The following STK17A variants were observed in gnomAD, a reference collection of about 807,000 sequenced individuals.
The protein encoded by STK17A is serine/threonine kinase 17a, also known as serine/threonine-protein kinase 17A.
In STK17A, 26 loss-of-function variants were observed where a neutral mutation model predicts 43.7. That is an observed-to-expected ratio of 0.60 (90% CI 0.44 to 0.83). The LOEUF is 0.83. Among genes scored for constraint, STK17A ranks in the 40% least tolerant of loss-of-function variants. STK17A has a pLI of 0.00. For synonymous variants in STK17A, 191 were observed against 182.5 expected (o/e 1.05, Z -0.38); for missense variants, 476 against 511.6 (o/e 0.93, Z 0.67).
intron 3 of STK17A, among the ~76,000 whole-genome samples, chr7:43,616,309 G>A (rs2083336607): frequency 6.6e-6 from 1 of 152,124 alleles, no homozygotes; most frequent in Non-Finnish European, 1.5e-5. Flanking sequence ...TATAAACTCT[G>A]ACAGTAGGGC....
chr7:43,584,161 T>G (rs1443167715), intron 1 of STK17A, among the ~76,000 whole-genome samples: 1 of 152,144 alleles, frequency 6.6e-6, no homozygotes, highest in African/African-American at 2.4e-5. Flanking sequence ...CAACTTGGTC[T>G]GTAAAGTTGC....
At chr7:43,583,517 G>C in intron 1 of STK17A, 68 bp downstream of exon 1, 1 of 1,203,432 alleles carries the variant, frequency 8.3e-7, no homozygotes, top group Non-Finnish European at 1.0e-6. Context: ...GCGCCGATAA[G>C]TGCCGGCGCC....
chr7:43,601,332 C>G (rs1159794502), intron 2 of STK17A, among the ~76,000 whole-genome samples: 1 of 152,162 alleles, frequency 6.6e-6, no homozygotes, highest in African/African-American at 2.4e-5. Flanking sequence ...GTATTTGTCA[C>G]AGTGCATTTC....
intron 2 of STK17A, among the ~76,000 whole-genome samples, chr7:43,601,175 A>C (rs964810981): frequency 2.0e-5 from 3 of 152,250 alleles, no homozygotes; most frequent in South Asian, 2.1e-4. Flanking sequence ...AAAAGTTTAT[A>C]GCGGGTGAAG....
Position 43,624,999 on chromosome 7 carries a change from C to T in STK17A, c.*157C>T. 1.5e-6 allele frequency: 1 copy of T among 652,838 alleles called. No homozygotes were observed. Among genetic ancestry groups the T allele is most frequent in the Non-Finnish European group, 2.4e-6 (1 of 419,232 alleles). The allele number at this position is 652,838 out of a possible 1,614,324, so 40.4% of individuals were successfully genotyped here. ...TCAAATTTGTGGAGTTAGGTGGAAGCCAGATTTTAAAAGTTGCCAACCAGG... is the reference window on the plus strand; with the variant it reads ...TCAAATTTGTGGAGTTAGGTGGAAGTCAGATTTTAAAAGTTGCCAACCAGG... On this transcript the variant is annotated 3_prime_UTR_variant, in exon 7 of 7. Transcript: ENST00000319357.
chr7:43,618,102 T>C (rs2083510289), intron 3 of STK17A, among the ~76,000 whole-genome samples: 1 of 152,158 alleles, frequency 6.6e-6, no homozygotes, highest in African/African-American at 2.4e-5. Context: ...AATGTGAACA[T>C]TCATTCTATA....
intron 2 of STK17A, among the ~76,000 whole-genome samples, chr7:43,597,896 G>T (rs2082529004): frequency 6.6e-6 from 1 of 152,100 alleles, no homozygotes; most frequent in Non-Finnish European, 1.5e-5. Flanking sequence ...CTGCACTCCA[G>T]CCTGGGTGAC....
At chr7:43,603,991 TA>T (rs1261140720) in intron 2 of STK17A, among the ~76,000 whole-genome samples, 1 of 152,186 alleles carries the variant, frequency 6.6e-6, no homozygotes, top group Non-Finnish European at 1.5e-5. Flanking sequence ...CCCAAACATT[TA>T]AGAGAAGGGA....
chr7:43,622,989 A>G (rs1398135391), intron 4 of STK17A: 1 of 152,392 alleles, frequency 6.6e-6, no homozygotes, highest in Non-Finnish European at 1.5e-5. Context: ...GCCTCAAAGC[A>G]TATTATTTTT....
At chr7:43,586,119 T>C (rs2082437464) in intron 1 of STK17A, among the ~76,000 whole-genome samples, 1 of 151,634 alleles carries the variant, frequency 6.6e-6, no homozygotes. Flanking sequence ...AATCTCACGC[T>C]GATAAAGAAC....
chr7:43,610,296 G>A (rs1052351214), intron 3 of STK17A, among the ~76,000 whole-genome samples: 7 of 139,588 alleles, frequency 5.0e-5, no homozygotes, highest in Non-Finnish European at 9.0e-5. Context: ...GCAGTGAGCC[G>A]AGATCGTGCC....
At chr7:43,617,474 C>G (rs2152999133) in intron 3 of STK17A, among the ~76,000 whole-genome samples, 1 of 152,266 alleles carries the variant, frequency 6.6e-6, no homozygotes, top group East Asian at 1.9e-4. Context: ...GACATGTTAG[C>G]TAAATGGAAG....
intron 2 of STK17A, 146 bp from the exon 3 acceptor site, chr7:43,608,110 C>T: frequency 1.3e-6 from 1 of 767,198 alleles, no homozygotes; most frequent in Non-Finnish European, 2.0e-6. Flanking sequence ...AGTGAGGTCC[C>T]ATCTCTATTT....
chr7:43,587,147 G>GT (rs202031785), intron 1 of STK17A, among the ~76,000 whole-genome samples: 7,384 of 112,072 alleles, frequency 0.066, 510 homozygotes, highest in Admixed American at 0.11. Flanking sequence ...TGTTTTTATT[G>GT]TTTTTTGTTT....
At chr7:43,602,769 A>ATT (rs1260177294) in intron 2 of STK17A, among the ~76,000 whole-genome samples, 1 of 152,156 alleles carries the variant, frequency 6.6e-6, no homozygotes, top group African/African-American at 2.4e-5. Flanking sequence ...TTCAGCTATC[A>ATT]TTTACATGCA....
chr7:43,622,466 T>A (rs376126037), intron 4 of STK17A: 3 of 152,140 alleles, frequency 2.0e-5, no homozygotes, highest in Admixed American at 6.5e-5. Context: ...ATTACCACAG[T>A]TTTTAGTCTT....
intron 2 of STK17A, among the ~76,000 whole-genome samples, chr7:43,608,021 C>T (rs929078920): frequency 6.6e-6 from 1 of 152,166 alleles, no homozygotes; most frequent in Non-Finnish European, 1.5e-5. Flanking sequence ...AAGGCTTATA[C>T]GTGTAATCCC....
At chr7:43,607,177 C>T (rs1489331708) in intron 2 of STK17A, among the ~76,000 whole-genome samples, 1 of 151,820 alleles carries the variant, frequency 6.6e-6, no homozygotes, top group Non-Finnish European at 1.5e-5. Context: ...CCTGCCTCAG[C>T]CTCCCAAGGT....
chr7:43,627,194 A>C lies in STK17A; in HGVS notation c.*2352A>C, dbSNP rs568774175. Among the ~76,000 whole-genome samples, 2 of 152,224 alleles carry C rather than the reference A, an allele frequency of 1.3e-5. No homozygotes were observed. Among genetic ancestry groups the C allele is most frequent in the Non-Finnish European group, 2.9e-5 (2 of 68,020 alleles). ...AAATGTATAAAATGTATAAGTTTTA[A>C]TCAACTGGGAAATGATATTTGATTG... On this transcript the variant is annotated 3_prime_UTR_variant, in exon 7 of 7. Transcript: ENST00000319357.
Sources: gnomAD v4.1 joint callset for allele counts (sites outside exome capture counted in the v4.1 genomes callset) on GRCh38, gnomAD v4.1.1 for gene constraint, MANE v1.5 for transcripts, NCBI Gene and HGNC (gene_info 2026-07-23, HGNC 2026-07-21) for gene names.